ARHGEF28: variants seen among roughly 807,000 people sequenced by gnomAD.
ARHGEF28 encodes Rho guanine nucleotide exchange factor 28, also known as 190 kDa guanine nucleotide exchange factor.
In ARHGEF28, 152 loss-of-function variants were observed where a neutral mutation model predicts 206.6. The observed-to-expected ratio is 0.74, with a 90% CI of 0.64 to 0.84. The LOEUF (loss-of-function observed/expected upper bound fraction) is 0.84. ARHGEF28 is among the 40% of genes least tolerant of loss of function. ARHGEF28 has a pLI of 0.00. For synonymous variants in ARHGEF28, 763 were observed against 776.4 expected, an observed-to-expected ratio of 0.98 and a Z score of 0.29; for missense variants, 2,028 against 2,073.2, an observed-to-expected ratio of 0.98 and a Z score of 0.42.
intron 2 of ARHGEF28, among the ~76,000 whole-genome samples, chr5:73,744,868 C>CT (rs967588868): frequency 1.3e-5 from 2 of 152,026 alleles, no homozygotes; most frequent in East Asian, 1.9e-4. Context: ...AGTTCATAAA[C>CT]TTTTTTTGAA....
At chr5:73,839,623 G>A (rs1269860308) in intron 10 of ARHGEF28, among the ~76,000 whole-genome samples, 1 of 150,994 alleles carries the variant, frequency 6.6e-6, no homozygotes, top group Admixed American at 6.6e-5. Context: ...TTTTAAGTAA[G>A]TCTTAGGCCC....
intron 1 of ARHGEF28, among the ~76,000 whole-genome samples, chr5:73,683,961 TATAAA>T (rs1195202433): frequency 1.7e-4 from 26 of 152,332 alleles, no homozygotes; most frequent in African/African-American, 6.0e-4. Context: ...TGGAAACTAA[TATAAA>T]ATAATAAAGG....
rs1361362692 is a variant in ARHGEF28 at position 73,873,125 on chromosome 5, A to G, written c.2693A>G (p.Asp898Gly). The G allele has an allele frequency of 6.2e-7, 1 of 1,613,134 alleles. No homozygotes were observed. Among genetic ancestry groups the G allele is most frequent in the Non-Finnish European group, 8.5e-7 (1 of 1,179,538 alleles). Residue 898 changes from aspartate (D) to glycine (G), a missense_variant, in exon 22 of 36, where the codon GAT (aspartate) becomes GGT (glycine). Around this residue, in one of 3 missense-constraint regions of ARHGEF28, gnomAD observed 223 missense variants for 289.9 expected, o/e 0.77. Coordinates refer to ENST00000513042, the MANE Select transcript of ARHGEF28 (RefSeq NM_001177693.2). ...GTGGATAAAATTTTCCCCTGTTTAGATGAGTTGCTTGAAATCCACAGGCAT... is the reference window on the plus strand; with the variant it reads ...GTGGATAAAATTTTCCCCTGTTTAGGTGAGTTGCTTGAAATCCACAGGCAT... ...STVDKIFPCLDELLEIHRHFF... is the reference protein window; with the variant it reads ...STVDKIFPCLGELLEIHRHFF...
At chr5:73,657,435 C>T (rs1745293864) in intron 1 of ARHGEF28, among the ~76,000 whole-genome samples, 1 of 152,086 alleles carries the variant, frequency 6.6e-6, no homozygotes, top group Admixed American at 6.6e-5. Context: ...CTTTCTGATG[C>T]TTTGAGTTAT....
intron 4 of ARHGEF28, among the ~76,000 whole-genome samples, chr5:73,757,948 C>A (rs1415604258): frequency 1.3e-5 from 2 of 152,062 alleles, no homozygotes; most frequent in African/African-American, 4.8e-5. Flanking sequence ...ATAATTTTGA[C>A]AATTAGGTTA....
chr5:73,877,844 G>A (rs1010974517), intron 22 of ARHGEF28, among the ~76,000 whole-genome samples: 6 of 152,110 alleles, frequency 3.9e-5, no homozygotes, highest in South Asian at 2.1e-4. Context: ...ACTTCCAACT[G>A]TGTGGCCAAT....
intron 26 of ARHGEF28, 79 bp downstream of exon 26, chr5:73,887,758 T>C (rs1435992601): frequency 1.8e-5 from 21 of 1,192,270 alleles, no homozygotes; most frequent in Admixed American, 2.5e-5. Context: ...AAATTCCTAG[T>C]GAAATATAAT....
At chr5:73,892,390 C>T (rs1761696198) in intron 27 of ARHGEF28, among the ~76,000 whole-genome samples, 160 bp downstream of exon 27, 1 of 152,138 alleles carries the variant, frequency 6.6e-6, no homozygotes, top group Admixed American at 6.5e-5. Flanking sequence ...CAGCTTTCTC[C>T]TCCACGCCTC....
At chr5:73,717,661 T>G (rs1189836997) in intron 2 of ARHGEF28, among the ~76,000 whole-genome samples, 1 of 152,182 alleles carries the variant, frequency 6.6e-6, no homozygotes, top group Non-Finnish European at 1.5e-5. Context: ...GCCAACTGCA[T>G]GTCAGGTATT....
intron 2 of ARHGEF28, among the ~76,000 whole-genome samples, chr5:73,727,495 G>A (rs1006521913): frequency 6.6e-6 from 1 of 152,140 alleles, no homozygotes; most frequent in African/African-American, 2.4e-5. Context: ...TTCTAATGGT[G>A]ACAAGAACCC....
At chr5:73,702,589 CTG>C (rs1748669322) in intron 2 of ARHGEF28, among the ~76,000 whole-genome samples, 1 of 152,196 alleles carries the variant, frequency 6.6e-6, no homozygotes, top group African/African-American at 2.4e-5. Context: ...TATGGTAATT[CTG>C]TGTTAGCTTT....
chr5:73,767,613 C>T (rs1752969647), intron 4 of ARHGEF28, among the ~76,000 whole-genome samples: 1 of 152,114 alleles, frequency 6.6e-6, no homozygotes, highest in Admixed American at 6.5e-5. Context: ...TTCTAAGCAG[C>T]AAAGCCTTCA....
intron 35 of ARHGEF28, among the ~76,000 whole-genome samples, chr5:73,920,184 C>T (rs913599920): frequency 1.6e-4 from 24 of 152,106 alleles, no homozygotes; most frequent in Admixed American, 7.9e-4. Flanking sequence ...TGAGTGTCTC[C>T]GGCTAGCTAA....
At chr5:73,835,567 G>T (rs942723119) in intron 10 of ARHGEF28, among the ~76,000 whole-genome samples, 4 of 152,148 alleles carry the variant, frequency 2.6e-5, no homozygotes, top group Admixed American at 1.3e-4. Context: ...GGAGGGTGTG[G>T]AAACTCTGTG....
intron 2 of ARHGEF28, among the ~76,000 whole-genome samples, chr5:73,702,844 T>C (rs1025311267): frequency 1.3e-5 from 2 of 152,224 alleles, no homozygotes; most frequent in Non-Finnish European, 2.9e-5. Context: ...CCTTTCAAGT[T>C]GCAACCAATC....
intron 31 of ARHGEF28, chr5:73,903,973 AG>A (rs1762410312): frequency 5.7e-6 from 3 of 527,882 alleles, no homozygotes; most frequent in African/African-American, 1.9e-5. Flanking sequence ...TGTTGTTTTA[AG>A]GGGTGATTGG....
intron 1 of ARHGEF28, among the ~76,000 whole-genome samples, chr5:73,635,346 A>G (rs555818787): frequency 8.5e-5 from 13 of 152,284 alleles, no homozygotes; most frequent in South Asian, 2.1e-4. Context: ...CTCCATCTCA[A>G]AAAAAAGAAA....
intron 4 of ARHGEF28, among the ~76,000 whole-genome samples, chr5:73,757,368 T>A (rs1752372114): frequency 6.6e-6 from 1 of 152,226 alleles, no homozygotes; most frequent in Non-Finnish European, 1.5e-5. Context: ...TTTTTGTGAT[T>A]ATTTATTTAT....
chr5:73,813,500 C>T (rs1489717849), intron 9 of ARHGEF28: 5 of 1,518,560 alleles, frequency 3.3e-6, no homozygotes, highest in Non-Finnish European at 4.4e-6. Flanking sequence ...CTTTACATCA[C>T]ATGGGGAGGC....
Sources: allele counts gnomAD v4.1 joint callset (sites outside exome capture counted in the v4.1 genomes callset), GRCh38; gene constraint gnomAD v4.1.1; regional missense constraint gnomAD v4.1.1; transcripts MANE v1.5; gene names NCBI Gene and HGNC (gene_info 2026-07-23, HGNC 2026-07-21).